MAGEC3: variants seen among roughly 807,000 people sequenced by gnomAD.
The protein encoded by MAGEC3 is melanoma-associated antigen C3.
Under a neutral mutation model 35.3 loss-of-function variants are expected in MAGEC3, and 34 were observed. That is an observed-to-expected ratio of 0.96 (90% CI 0.73 to 1.28). The LOEUF (loss-of-function observed/expected upper bound fraction) is 1.28, where lower values mean the gene tolerates loss of function less well. Among genes scored for constraint, MAGEC3 ranks in the 50% most tolerant of loss-of-function variants. The pLI is 0.00. For missense variants in MAGEC3, 561 were observed against 483.6 expected (o/e 1.16, Z -1.50); for synonymous variants, 202 against 185.6 (o/e 1.09, Z -0.72).
chrX:141,852,843 T>G (rs1046823146), intron 1 of MAGEC3, among the ~76,000 whole-genome samples: 1 of 111,529 alleles, frequency 9.0e-6, no homozygotes, highest in Non-Finnish European at 1.9e-5. Context: ...TTTTGAGGAT[T>G]TTTGAATATA....
At chrX:141,846,976 T>G (rs1023841763) in intron 1 of MAGEC3, among the ~76,000 whole-genome samples, 2 of 111,248 alleles carry the variant, frequency 1.8e-5, no homozygotes, top group African/African-American at 6.5e-5. Flanking sequence ...GCTTATAGAA[T>G]TAAGTACAAT....
chrX:141,885,526 A>G (rs1358992222), intron 4 of MAGEC3, among the ~76,000 whole-genome samples: 1 of 108,345 alleles, frequency 9.2e-6, no homozygotes, highest in Admixed American at 1.0e-4. Context: ...TTAGCTGGGC[A>G]TCGTGGTGCG....
intron 1 of MAGEC3, chrX:141,839,261 T>C (rs756445382): frequency 9.9e-4 from 252 of 254,564 alleles, no homozygotes; most frequent in Non-Finnish European, 1.2e-3. Flanking sequence ...CTTTGAATTA[T>C]ATATTCAAAG....
intron 1 of MAGEC3, among the ~76,000 whole-genome samples, chrX:141,865,204 AC>A (rs1223625744): frequency 9.0e-6 from 1 of 111,022 alleles, no homozygotes; most frequent in Non-Finnish European, 1.9e-5. Context: ...CTTTCTCAAA[AC>A]TAATTTTTAA....
chrX:141,842,078 A>G (rs2017689248), intron 1 of MAGEC3, among the ~76,000 whole-genome samples: 1 of 111,896 alleles, frequency 8.9e-6, no homozygotes, highest in Admixed American at 9.5e-5. Flanking sequence ...TATGAACTGT[A>G]GTGTTTTGGT....
chrX:141,858,341 A>G (rs2017794412), intron 1 of MAGEC3, among the ~76,000 whole-genome samples: 1 of 110,411 alleles, frequency 9.1e-6, no homozygotes. Context: ...AATTCCAGGT[A>G]TCGGTTGTTT....
chrX:141,869,250 T>C (rs1352468231), intron 2 of MAGEC3, among the ~76,000 whole-genome samples: 1 of 111,863 alleles, frequency 8.9e-6, no homozygotes, highest in Non-Finnish European at 1.9e-5. Flanking sequence ...AACCAGTTTT[T>C]TTTTTAATTG....
At chrX:141,885,429 G>A (rs1480670785) in intron 4 of MAGEC3, among the ~76,000 whole-genome samples, 1 of 109,575 alleles carries the variant, frequency 9.1e-6, no homozygotes, top group Admixed American at 9.8e-5. Context: ...CACTTTGGGA[G>A]GCTGAGGCGG....
intron 1 of MAGEC3, among the ~76,000 whole-genome samples, chrX:141,858,001 G>A (rs745965720): frequency 1.7e-4 from 19 of 111,154 alleles, no homozygotes; most frequent in Non-Finnish European, 3.2e-4. Context: ...AGTAACTACT[G>A]TGATGGCCAG....
intron 1 of MAGEC3, 64 bp from the exon 2 acceptor site, chrX:141,865,406 AG>A: frequency 9.3e-7 from 1 of 1,077,434 alleles, no homozygotes; most frequent in South Asian, 2.6e-5. Context: ...AGAATAGAGT[AG>A]ATCTTCCATC....
At chrX:141,841,034 ATG>A (rs1329286539) in intron 1 of MAGEC3, among the ~76,000 whole-genome samples, 1 of 111,458 alleles carries the variant, frequency 9.0e-6, no homozygotes, top group African/African-American at 3.3e-5. Context: ...GTAAAAAATA[ATG>A]TGATAATAAC....
At chrX:141,843,256 G>A (rs966720909) in intron 1 of MAGEC3, among the ~76,000 whole-genome samples, 31 of 111,494 alleles carry the variant, frequency 2.8e-4, no homozygotes, top group Non-Finnish European at 4.7e-4. Flanking sequence ...TGAGTTTAAT[G>A]TATGAATTCA....
chrX:141,881,850 TA>T, intron 4 of MAGEC3, 54 bp downstream of exon 4: 7 of 1,196,997 alleles, frequency 5.8e-6, no homozygotes, highest in African/African-American at 1.7e-5. Context: ...AGCTTGTCAC[TA>T]AAGTTTGAGT....
intron 1 of MAGEC3, among the ~76,000 whole-genome samples, chrX:141,841,377 T>A (rs750049254): frequency 1.8e-5 from 2 of 112,073 alleles, no homozygotes; most frequent in Non-Finnish European, 3.8e-5. Flanking sequence ...TTCTTGATAG[T>A]CCCTAGTACT....
At chrX:141,880,100 C>T (rs1000952682) in intron 3 of MAGEC3, among the ~76,000 whole-genome samples, 1 of 111,471 alleles carries the variant, frequency 9.0e-6, no homozygotes, top group African/African-American at 3.3e-5. Flanking sequence ...AGGCCTTGGT[C>T]TGAGGGTCCC....
intron 2 of MAGEC3, among the ~76,000 whole-genome samples, chrX:141,870,240 T>G (rs913918840): frequency 9.0e-6 from 1 of 111,659 alleles, no homozygotes; most frequent in African/African-American, 3.3e-5. Context: ...GAAAGTTAAA[T>G]TTTACCCTTG....
rs748701065 is a variant in MAGEC3, at chrX:141,875,554, A to G, written c.259-3621A>G. On this transcript the variant is annotated intron_variant, in intron 2 of 7. Transcript: ENST00000298296. ...GAACTGAAGGTGAGTCATTTGGGGCATGTTTGGAAAATGGTTGTGTTCACT... is the reference window on the plus strand; with the variant it reads ...GAACTGAAGGTGAGTCATTTGGGGCGTGTTTGGAAAATGGTTGTGTTCACT... Among the ~76,000 whole-genome samples, 6 of 111,288 alleles carry G rather than the reference A, an allele frequency of 5.4e-5. No individual in the cohort carries two copies. In the South Asian group the frequency reaches 2.3e-3, roughly 43 times the overall value.
chrX:141,838,734 G>A lies in MAGEC3; in HGVS notation c.123+296G>A. On this transcript the variant is annotated intron_variant, in intron 1 of 7. Transcript: ENST00000298296. ...TTCATCGGGGGTGAGGCTCTGCAGT[G>A]GTGCCTCATTTGTGCCTCAGTCCTA... 3 of 753,843 alleles carry A rather than the reference G, an allele frequency of 4.0e-6. No individual in the cohort carries two copies. In the South Asian group the frequency reaches 2.0e-4, roughly 51 times the overall value. 62.1% of individuals were successfully genotyped at this position (753,843 alleles called of 1,213,427 possible).
intron 1 of MAGEC3, among the ~76,000 whole-genome samples, chrX:141,845,684 T>A (rs1276150629): frequency 1.8e-5 from 2 of 111,313 alleles, no homozygotes; most frequent in Non-Finnish European, 3.8e-5. Context: ...GTTGTATTAT[T>A]TTAGAGAAAC....
Sources: gnomAD v4.1 joint callset for allele counts (sites outside exome capture counted in the v4.1 genomes callset) on GRCh38, gnomAD v4.1.1 for gene constraint, MANE v1.5 for transcripts, NCBI Gene and HGNC (gene_info 2026-07-23, HGNC 2026-07-21) for gene names.